The following ASPRV1 variants were observed in gnomAD, a reference collection of about 807,000 sequenced individuals.
The protein encoded by ASPRV1 is retroviral-like aspartic protease 1.
ASPRV1 carries 7 observed loss-of-function variants against 11.0 expected under a neutral mutation model. That is an observed-to-expected ratio of 0.64 (90% confidence interval 0.36 to 1.20). The LOEUF (loss-of-function observed/expected upper bound fraction) is 1.20, where lower values mean the gene tolerates loss of function less well. Ranked by LOEUF, ASPRV1 falls within the 50% of genes most tolerant of loss-of-function variation. The pLI, the probability that ASPRV1 is intolerant of heterozygous loss-of-function variation, is 0.02. For missense variants in ASPRV1, 299 were observed against 320.0 expected (o/e 0.93, Z 0.50); for synonymous variants, 136 against 138.4 (o/e 0.98, Z 0.12).
chr2:70,046,710 G>A, the ASPRV1 span: 1 of 152,178 alleles, frequency 6.6e-6, no homozygotes. Context: ...GCTTCAGCAG[G>A]TGGTATAAAG....
the ASPRV1 span, among the ~76,000 whole-genome samples, chr2:70,067,463 C>T: frequency 1.3e-5 from 2 of 152,142 alleles, no homozygotes; most frequent in Non-Finnish European, 2.9e-5. Flanking sequence ...GTTGAGATCA[C>T]CCAAAAACTG....
At chr2:70,007,701 T>C in the ASPRV1 span, among the ~76,000 whole-genome samples, 1 of 152,168 alleles carries the variant, frequency 6.6e-6, no homozygotes, top group Admixed American at 6.6e-5. Context: ...TAAATAGCTA[T>C]GTGACTTTAA....
upstream of ASPRV1, chr2:69,961,869 T>C: frequency 1.7e-6 from 1 of 589,396 alleles, no homozygotes; most frequent in East Asian, 2.8e-5. Context: ...CCCTGGCCTG[T>C]GTTCCAGAAT....
chr2:69,937,220 C>G, the ASPRV1 span: 1 of 1,611,974 alleles, frequency 6.2e-7, no homozygotes, highest in Non-Finnish European at 8.5e-7. Flanking sequence ...CAACAACTAC[C>G]CCTTTGACTT....
At chr2:69,964,409 T>A (rs751424814), upstream of ASPRV1, 2 of 437,966 alleles carry the variant, frequency 4.6e-6, no homozygotes, top group South Asian at 3.2e-5. Flanking sequence ...TCTGGCCGAG[T>A]CTGGGAGTCT....
chr2:69,933,812 A>G, the ASPRV1 span, among the ~76,000 whole-genome samples: 1 of 152,196 alleles, frequency 6.6e-6, no homozygotes, highest in Non-Finnish European at 1.5e-5. Flanking sequence ...AACTTTTGCT[A>G]TTACAGTACA....
chr2:70,069,756 C>G, the ASPRV1 span, among the ~76,000 whole-genome samples: 6 of 152,102 alleles, frequency 3.9e-5, no homozygotes, highest in African/African-American at 1.4e-4. Flanking sequence ...ACACAAAAGT[C>G]TAGTTCATCA....
At chr2:70,080,390 C>T in the ASPRV1 span, among the ~76,000 whole-genome samples, 3 of 152,150 alleles carry the variant, frequency 2.0e-5, no homozygotes, top group African/African-American at 7.2e-5. Flanking sequence ...CCACACTCAG[C>T]TAATTTTTGT....
the ASPRV1 span, among the ~76,000 whole-genome samples, chr2:70,025,273 T>C: frequency 1.3e-5 from 2 of 152,018 alleles, no homozygotes; most frequent in African/African-American, 4.8e-5. Flanking sequence ...AGGAAAAGTA[T>C]GGAGCAGGAG....
At chr2:70,078,309 A>G in the ASPRV1 span, among the ~76,000 whole-genome samples, 1 of 150,334 alleles carries the variant, frequency 6.7e-6, no homozygotes, top group South Asian at 2.1e-4. Context: ...ACTATGGTAG[A>G]GAGTCCCTAG....
chr2:70,077,954 G>A, the ASPRV1 span, among the ~76,000 whole-genome samples: 1 of 152,002 alleles, frequency 6.6e-6, no homozygotes, highest in Non-Finnish European at 1.5e-5. Context: ...GGATCATGAG[G>A]TCAGGAGTTT....
chr2:70,001,272 T>C, the ASPRV1 span, among the ~76,000 whole-genome samples: 1 of 152,190 alleles, frequency 6.6e-6, no homozygotes, highest in Non-Finnish European at 1.5e-5. Context: ...ACCATGCCTA[T>C]AATCCCAGCA....
the ASPRV1 span, among the ~76,000 whole-genome samples, chr2:70,073,547 TTAAG>T: frequency 3.3e-5 from 5 of 152,310 alleles, no homozygotes; most frequent in Middle Eastern, 3.4e-3. Context: ...CGATACTTTG[TTAAG>T]TATTTAAAAC....
At chr2:70,001,982 G>A in the ASPRV1 span, among the ~76,000 whole-genome samples, 2 of 152,168 alleles carry the variant, frequency 1.3e-5, no homozygotes, top group Non-Finnish European at 2.9e-5. Context: ...CAGACGTACA[G>A]TATGAACCCA....
At chr2:70,012,939 G>A in the ASPRV1 span, among the ~76,000 whole-genome samples, 1 of 152,148 alleles carries the variant, frequency 6.6e-6, no homozygotes, top group African/African-American at 2.4e-5. Context: ...GAAAACAACT[G>A]ACAGTATTTG....
the ASPRV1 span, chr2:69,939,587 T>G: frequency 6.5e-6 from 1 of 152,672 alleles, no homozygotes; most frequent in Non-Finnish European, 1.5e-5. Context: ...TTTATAGATG[T>G]TCTAGAAACT....
the ASPRV1 span, among the ~76,000 whole-genome samples, chr2:70,065,819 C>CAAAAAAAAAAAAAAAAAAAAA: frequency 1.5e-5 from 1 of 67,446 alleles, no homozygotes; most frequent in Admixed American, 1.9e-4. Context: ...GCTTTTGACT[C>CAAAAAAAAAAAAAAAAAAAAA]AAAAAAAAAA....
chr2:70,086,594 A>C, the ASPRV1 span: 2 of 152,246 alleles, frequency 1.3e-5, no homozygotes, highest in African/African-American at 4.8e-5. Flanking sequence ...GCGCGGGGAA[A>C]GCCGCAGAAA....
the ASPRV1 span, among the ~76,000 whole-genome samples, chr2:70,051,878 G>A: frequency 6.6e-6 from 1 of 151,986 alleles, no homozygotes; most frequent in African/African-American, 2.4e-5. Flanking sequence ...GAGAGGCTGA[G>A]GTAAGAGGAT....
Sources: gnomAD v4.1 joint callset for allele counts (sites outside exome capture counted in the v4.1 genomes callset) on GRCh38, gnomAD v4.1.1 for gene constraint, MANE v1.5 for transcripts, NCBI Gene and HGNC (gene_info 2026-07-23, HGNC 2026-07-21) for gene names.